CAPRIN1: variants seen among roughly 807,000 people sequenced by gnomAD.
CAPRIN1 encodes caprin-1.
In CAPRIN1, 29 loss-of-function variants were observed where a neutral mutation model predicts 100.9. The ratio of observed to expected loss-of-function variants is 0.29; its 90% CI spans 0.21 to 0.39. CAPRIN1 has a LOEUF of 0.39. CAPRIN1 is among the 10% of genes least tolerant of loss of function. The pLI is 1.00. For synonymous variants in CAPRIN1, 338 were observed against 307.5 expected (o/e 1.10, Z -1.04); for missense variants, 795 against 876.7 (o/e 0.91, Z 1.18).
chr11:34,063,918 G>A (rs1014732281), intron 2 of CAPRIN1, among the ~76,000 whole-genome samples: 2 of 152,034 alleles, frequency 1.3e-5, no homozygotes, highest in Non-Finnish European at 2.9e-5. Context: ...ACAGGCATGT[G>A]CCACCATGCC....
intron 13 of CAPRIN1, 103 bp downstream of exon 13, chr11:34,090,392 C>A: frequency 1.6e-6 from 2 of 1,267,872 alleles, no homozygotes; most frequent in Middle Eastern, 1.9e-4. Context: ...TTTGGACCTA[C>A]TTTGCTTTCA....
At chr11:34,064,516 G>A (rs1018368777) in intron 2 of CAPRIN1, among the ~76,000 whole-genome samples, 2 of 152,208 alleles carry the variant, frequency 1.3e-5, no homozygotes, top group Admixed American at 6.5e-5. Context: ...CCTTATCATG[G>A]AAGGCCACTT....
Position 34,076,221 on chromosome 11 carries a change from T to C in CAPRIN1, c.367-15T>C. 1 of 1,592,262 alleles carries C rather than the reference T, an allele frequency of 6.3e-7. No individual in the cohort carries two copies. Among genetic ancestry groups the C allele is most frequent in the Non-Finnish European group, 8.6e-7 (1 of 1,162,910 alleles). Reference sequence around the variant, plus strand: ...ATAACTAATTTTGGTGTTTTACTTTTATATTGTTTTGCAGATTCAGAAAAC... The same window carrying C: ...ATAACTAATTTTGGTGTTTTACTTTCATATTGTTTTGCAGATTCAGAAAAC... On this transcript the variant is annotated splice_polypyrimidine_tract_variant and intron_variant, in intron 4 of 18. Transcript: ENST00000341394.
chr11:34,094,519 A>G (rs1465417674), intron 15 of CAPRIN1, among the ~76,000 whole-genome samples: 3 of 150,334 alleles, frequency 2.0e-5, no homozygotes, highest in Non-Finnish European at 4.4e-5. Flanking sequence ...GTATTTTAAA[A>G]TAAAATGAAG....
intron 6 of CAPRIN1, 31 bp from the exon 7 acceptor site, chr11:34,079,597 C>G: frequency 6.3e-7 from 1 of 1,597,968 alleles, no homozygotes; most frequent in Non-Finnish European, 8.6e-7. Flanking sequence ...TCAGATAAGT[C>G]TTACATTATA....
rs774448083 is a variant in CAPRIN1, at chr11:34,086,046, C to T, written c.967-18C>T. Reference sequence around the variant, plus strand: ...TTTTGCTCTCCTATTCCTTCTAATCCTTTTTTTTCTACCTTAGGTGGTAAA... The same window carrying T: ...TTTTGCTCTCCTATTCCTTCTAATCTTTTTTTTTCTACCTTAGGTGGTAAA... On this transcript the variant is annotated intron_variant, in intron 9 of 18. Transcript: ENST00000341394. 6.2e-7 allele frequency: 1 copy of T among 1,609,832 alleles called. No homozygotes were observed. The highest frequency in any genetic ancestry group is 8.5e-7 in the Non-Finnish European group (1 of 1,177,796).
chr11:34,057,745 T>C (rs1311231174), intron 2 of CAPRIN1, among the ~76,000 whole-genome samples: 1 of 152,146 alleles, frequency 6.6e-6, no homozygotes, highest in Non-Finnish European at 1.5e-5. Flanking sequence ...TTTGAGACAG[T>C]TTTGCTCTCG....
At chr11:34,056,534 T>G (rs1369641752) in intron 2 of CAPRIN1, 3 of 152,190 alleles carry the variant, frequency 2.0e-5, no homozygotes, top group African/African-American at 4.8e-5. Context: ...AATACAGCTG[T>G]GATAATCAAG....
intron 2 of CAPRIN1, among the ~76,000 whole-genome samples, chr11:34,062,641 A>T (rs951710628): frequency 1.3e-5 from 2 of 150,020 alleles, no homozygotes; most frequent in Non-Finnish European, 3.0e-5. Flanking sequence ...AAAAAAAAAA[A>T]AGGAAAACTG....
In CAPRIN1 at chr11:34,090,159, A is replaced by G; in HGVS notation, c.1294-20A>G. The G allele has an allele frequency of 6.6e-7, 1 of 1,513,908 alleles. No homozygotes were observed. Among genetic ancestry groups the G allele is most frequent in the Non-Finnish European group, 9.1e-7 (1 of 1,094,278 alleles). The allele number at this position is 1,513,908 out of a possible 1,614,324, so 93.8% of individuals were successfully genotyped here. The stretch of plus-strand genomic sequence containing the variant: ...ATTTTGTAAGCAGGAAGAAGCTTTT[A>G]TTTCTTTACTTATGTCTAGGTTCCT... On this transcript the variant is annotated intron_variant, in intron 12 of 18. Transcript: ENST00000341394.
intron 2 of CAPRIN1, among the ~76,000 whole-genome samples, chr11:34,054,529 G>A (rs1353088655): frequency 6.6e-6 from 1 of 152,060 alleles, no homozygotes; most frequent in East Asian, 1.9e-4. Context: ...CCGGGTTCAA[G>A]CGATTCTCCT....
At chr11:34,081,847 T>G (rs140832581) in intron 7 of CAPRIN1, among the ~76,000 whole-genome samples, 81 of 152,216 alleles carry the variant, frequency 5.3e-4, no homozygotes, top group Non-Finnish European at 7.1e-4. Context: ...AGTCTCACTC[T>G]GTCACCCAGG....
intron 7 of CAPRIN1, 139 bp downstream of exon 7, chr11:34,079,904 A>AGTTTTTTGTTTTTTT (rs1565091690): frequency 2.0e-6 from 1 of 496,410 alleles, no homozygotes; most frequent in African/African-American, 2.3e-5. Flanking sequence ...AGCATGACAA[A>AGTTTTTTGTTTTTTT]GTTTTTTTTT....
chr11:34,067,983 T>C (rs897639427), intron 2 of CAPRIN1, among the ~76,000 whole-genome samples: 5 of 152,202 alleles, frequency 3.3e-5, no homozygotes, highest in African/African-American at 1.2e-4. Context: ...ATTTAAGGGA[T>C]TAAAACCATG....
chr11:34,057,752 C>T (rs894722836), intron 2 of CAPRIN1, among the ~76,000 whole-genome samples: 1 of 152,070 alleles, frequency 6.6e-6, no homozygotes, highest in African/African-American at 2.4e-5. Context: ...CAGTTTTGCT[C>T]TCGTTGCCCA....
chr11:34,100,640 T>C lies in CAPRIN1; in HGVS notation c.*1273T>C, dbSNP rs940127182. The C allele has an allele frequency of 6.6e-6, 1 of 152,356 alleles. No homozygotes were observed. The highest frequency in any genetic ancestry group is 1.5e-5 in the Non-Finnish European group (1 of 68,020). 9.4% of individuals were successfully genotyped at this position (152,356 alleles called of 1,614,324 possible). A position where few individuals can be genotyped will look rare whatever the true frequency, so the allele number is the denominator to read the frequency against. The stretch of plus-strand genomic sequence containing the variant: ...CTTGCACTTATTATCTTTTGTCTAA[T>C]TTAACCTTAACTGAATTCTCCGTTT... On this transcript the variant is annotated 3_prime_UTR_variant, in exon 19 of 19. Coordinates refer to ENST00000341394, the MANE Select transcript of CAPRIN1 (RefSeq NM_005898.5).
At chr11:34,090,745 T>C in intron 14 of CAPRIN1, 67 bp downstream of exon 14, 1 of 1,437,936 alleles carries the variant, frequency 7.0e-7, no homozygotes, top group Admixed American at 1.8e-5. Flanking sequence ...TTCTTTTCTT[T>C]TTTAAAGGTC....
chr11:34,091,163 A>C (rs1851255734), intron 14 of CAPRIN1, among the ~76,000 whole-genome samples: 1 of 152,252 alleles, frequency 6.6e-6, no homozygotes, highest in Admixed American at 6.5e-5. Flanking sequence ...CTGAGAGGAA[A>C]GTTCATAAGA....
intron 12 of CAPRIN1, 170 bp from the exon 13 acceptor site, chr11:34,090,009 A>AT (rs1203334926): frequency 1.7e-5 from 7 of 401,258 alleles, no homozygotes; most frequent in Non-Finnish European, 2.7e-5. Context: ...TATTTTTGCA[A>AT]TTTTTAGGTT....
Sources: allele counts gnomAD v4.1 joint callset (sites outside exome capture counted in the v4.1 genomes callset), GRCh38; gene constraint gnomAD v4.1.1; transcripts MANE v1.5; gene names NCBI Gene and HGNC (gene_info 2026-07-23, HGNC 2026-07-21).